SLC2A9: variants seen among roughly 807,000 people sequenced by gnomAD.
SLC2A9 encodes the protein solute carrier family 2, facilitated glucose transporter member 9.
SLC2A9 carries 39 observed loss-of-function variants against 50.6 expected under a neutral mutation model. That is an observed-to-expected ratio of 0.77 (90% CI 0.60 to 1.01). The LOEUF is 1.01. SLC2A9 is among the 50% of genes least tolerant of loss of function. SLC2A9 has a pLI of 0.00. For synonymous variants in SLC2A9, 324 were observed against 276.9 expected, an observed-to-expected ratio of 1.17 and a Z score of -1.69; for missense variants, 686 against 677.6, an observed-to-expected ratio of 1.01 and a Z score of -0.14.
At chr4:9,791,174 C>T (rs1719871683) in intron 3 of SLC2A9, among the ~76,000 whole-genome samples, 1 of 151,992 alleles carries the variant, frequency 6.6e-6, no homozygotes, top group Non-Finnish European at 1.5e-5. Flanking sequence ...TCCTTGTTGG[C>T]AAAATGGGAA....
intron 2 of SLC2A9, among the ~76,000 whole-genome samples, chr4:9,997,426 G>T (rs559398229): frequency 6.6e-6 from 1 of 152,138 alleles, no homozygotes; most frequent in East Asian, 1.9e-4. Flanking sequence ...CCGGGTGGGC[G>T]CAGAGGCCCA....
At chr4:10,034,002 A>C (rs1764018815) in intron 1 of SLC2A9, among the ~76,000 whole-genome samples, 1 of 151,762 alleles carries the variant, frequency 6.6e-6, no homozygotes, top group African/African-American at 2.4e-5. Context: ...TTTTTCTCTT[A>C]CTGACTCTCT....
At chr4:9,997,412 C>T (rs1329570924) in intron 2 of SLC2A9, among the ~76,000 whole-genome samples, 1 of 152,126 alleles carries the variant, frequency 6.6e-6, no homozygotes, top group Non-Finnish European at 1.5e-5. Context: ...TTAAAGGGCA[C>T]ATACCGGGTG....
intron 10 of SLC2A9, among the ~76,000 whole-genome samples, chr4:9,840,327 AAG>A (rs1025243848): frequency 1.3e-5 from 2 of 152,328 alleles, no homozygotes; most frequent in East Asian, 1.9e-4. Flanking sequence ...CTGATTTCCT[AAG>A]AGTCTTTTAA....
intron 2 of SLC2A9, chr4:10,009,416 C>G (rs1415076118): frequency 1.3e-5 from 2 of 152,202 alleles, no homozygotes; most frequent in African/African-American, 4.8e-5. Context: ...CTGGGCAGCT[C>G]TACCCTTATA....
At chr4:9,879,612 T>G (rs548003545) in intron 10 of SLC2A9, 1 of 985,392 alleles carries the variant, frequency 1.0e-6, no homozygotes, top group South Asian at 4.7e-5. Context: ...CCGCTCCATC[T>G]TCTGGGGTGC....
At chr4:9,903,920 A>G (rs947531441) in intron 8 of SLC2A9, among the ~76,000 whole-genome samples, 3 of 147,760 alleles carry the variant, frequency 2.0e-5, no homozygotes, top group East Asian at 3.9e-4. Context: ...TATAAAATAT[A>G]TCTACATATT....
downstream of SLC2A9, among the ~76,000 whole-genome samples, chr4:9,798,186 G>A (rs192823699): frequency 6.6e-4 from 100 of 152,286 alleles, no homozygotes; most frequent in East Asian, 4.8e-3. Context: ...GCTCCCTTTG[G>A]GTACCACAGT....
intron 2 of SLC2A9, among the ~76,000 whole-genome samples, chr4:10,017,200 G>A (rs1366907497): frequency 1.3e-5 from 2 of 152,134 alleles, no homozygotes; most frequent in Non-Finnish European, 2.9e-5. Context: ...GGATTCCTCC[G>A]TCCTCATGTT....
intron 2 of SLC2A9, among the ~76,000 whole-genome samples, chr4:10,009,906 C>T (rs3796835): frequency 0.81 from 122,602 of 152,246 alleles, 49,629 homozygotes; most frequent in African/African-American, 0.84. Context: ...CAGTAGACAA[C>T]TGTATAATAA....
intron 10 of SLC2A9, among the ~76,000 whole-genome samples, chr4:9,878,492 T>A (rs183446500): frequency 6.6e-6 from 1 of 152,150 alleles, no homozygotes; most frequent in East Asian, 1.9e-4. Context: ...GTTTCCCAGT[T>A]GGTAAACGCA....
chr4:9,969,774 A>T (rs989994093), intron 5 of SLC2A9, among the ~76,000 whole-genome samples: 2 of 152,208 alleles, frequency 1.3e-5, no homozygotes, highest in Non-Finnish European at 2.9e-5. Flanking sequence ...CATAAGACTT[A>T]TTCACTATCA....
intron 2 of SLC2A9, among the ~76,000 whole-genome samples, chr4:10,000,433 C>T (rs1453963646): frequency 6.6e-6 from 1 of 152,136 alleles, no homozygotes; most frequent in African/African-American, 2.4e-5. Context: ...ATGAGGACAC[C>T]TACAGAAATG....
At chr4:9,781,122 T>C (rs1209528962) in intron 3 of SLC2A9, among the ~76,000 whole-genome samples, 2 of 152,130 alleles carry the variant, frequency 1.3e-5, no homozygotes, top group African/African-American at 4.8e-5. Flanking sequence ...AGACACTGTC[T>C]ACTGGACACC....
At chr4:9,945,477 G>A (rs1748979465) in intron 5 of SLC2A9, among the ~76,000 whole-genome samples, 1 of 152,184 alleles carries the variant, frequency 6.6e-6, no homozygotes, top group Non-Finnish European at 1.5e-5. Flanking sequence ...CAGACAGAGA[G>A]CCTGTGATTA....
intron 11 of SLC2A9, among the ~76,000 whole-genome samples, chr4:9,829,111 A>G (rs922472041): frequency 6.6e-6 from 1 of 152,174 alleles, no homozygotes; most frequent in African/African-American, 2.4e-5. Context: ...TCAGTCAAGA[A>G]CATGTGGCTC....
intron 11 of SLC2A9, among the ~76,000 whole-genome samples, chr4:9,830,764 C>T (rs185070244): frequency 1.8e-4 from 27 of 152,280 alleles, no homozygotes; most frequent in African/African-American, 5.1e-4. Flanking sequence ...GAGTGTTTTT[C>T]GCAGGCTTTA....
chr4:9,779,183 C>T (rs1359727949), downstream of SLC2A9, among the ~76,000 whole-genome samples: 1 of 152,162 alleles, frequency 6.6e-6, no homozygotes, highest in Non-Finnish European at 1.5e-5. Context: ...GCCTATTCTT[C>T]CTGCCTGCCA....
intron 5 of SLC2A9, among the ~76,000 whole-genome samples, chr4:9,942,657 A>G (rs1396508533): frequency 6.6e-6 from 1 of 152,218 alleles, no homozygotes; most frequent in Non-Finnish European, 1.5e-5. Context: ...GATCCCTACG[A>G]CACGCACTAT....
Sources: gnomAD v4.1 joint callset for allele counts (sites outside exome capture counted in the v4.1 genomes callset) on GRCh38, gnomAD v4.1.1 for gene constraint, MANE v1.5 for transcripts, NCBI Gene and HGNC (gene_info 2026-07-23, HGNC 2026-07-21) for gene names.